The following ULK4 variants were observed in gnomAD, a reference collection of about 807,000 sequenced individuals.
The protein encoded by ULK4 is inactive serine/threonine-protein kinase ULK4.
In ULK4, 133 loss-of-function variants were observed where a neutral mutation model predicts 160.6. The ratio of observed to expected loss-of-function variants is 0.83; its 90% CI spans 0.72 to 0.96. The LOEUF (loss-of-function observed/expected upper bound fraction) is 0.96. ULK4 is among the 40% of genes least tolerant of loss of function. The pLI, the probability that ULK4 is intolerant of heterozygous loss-of-function variation, is 0.00. For missense variants in ULK4, 1,580 were observed against 1,499.5 expected (o/e 1.05, Z -0.89); for synonymous variants, 534 against 539.8 (o/e 0.99, Z 0.15).
rs868486145 is a variant in ULK4 at position 41,398,181 on chromosome 3, CG to C, written c.3575del (p.Pro1192ArgfsTer16). 8 of 1,613,270 alleles carry C rather than the reference CG, an allele frequency of 5.0e-6. No individual in the cohort carries two copies. The highest frequency in any genetic ancestry group is 1.7e-5 in the Admixed American group (1 of 59,854). On this transcript the variant is annotated frameshift_variant, in exon 35 of 37. Coordinates refer to ENST00000301831, the MANE Select transcript of ULK4 (RefSeq NM_017886.4). LOFTEE classifies it high-confidence loss of function. Reference sequence around the variant, plus strand: ...CCACATTTTCAGGAGAGAGGCTGTCCGGGTTTTCCCCTCCATACAGCTGAAC... The same window carrying C: ...CCACATTTTCAGGAGAGAGGCTGTCCGGTTTTCCCCTCCATACAGCTGAAC... ...ILVQLYGGEN[P>X]DSLSPENVEI...
chr3:41,767,620 T>G (rs1403754331), intron 21 of ULK4, among the ~76,000 whole-genome samples: 1 of 152,142 alleles, frequency 6.6e-6, no homozygotes, highest in Non-Finnish European at 1.5e-5. Context: ...TATTCATAAT[T>G]GAGCCATGCA....
intron 35 of ULK4, among the ~76,000 whole-genome samples, chr3:41,342,065 A>G (rs2080697632): frequency 6.6e-6 from 1 of 152,234 alleles, no homozygotes; most frequent in South Asian, 2.1e-4. Context: ...GAACTGGAAT[A>G]AACTGCCATA....
In ULK4 at chr3:41,461,875, T is replaced by G. The variant is rs562683182; in HGVS notation, c.3393+1212A>C. ...TACAAAAATCTACCACTATGGAAAC[T>G]GAAATAAGAAACTGTGTTCTCTGAA... is the stretch of plus-strand genomic sequence containing the variant. On this transcript the variant is annotated intron_variant, in intron 33 of 36. Coordinates refer to ENST00000301831, the MANE Select transcript of ULK4 (RefSeq NM_017886.4). 2.0e-5 allele frequency among the ~76,000 whole-genome samples: 3 copies of G among 152,236 alleles called. No individual in the cohort carries two copies. The East Asian group carries it at 5.8e-4, about 29-fold the overall frequency.
chr3:41,728,535 C>T (rs957965878), intron 22 of ULK4, among the ~76,000 whole-genome samples: 3 of 152,092 alleles, frequency 2.0e-5, no homozygotes, highest in African/African-American at 4.8e-5. Flanking sequence ...CCTCCAACAA[C>T]GCAGATCAAA....
At chr3:41,526,992 G>A (rs2086141693) in intron 32 of ULK4, among the ~76,000 whole-genome samples, 1 of 152,126 alleles carries the variant, frequency 6.6e-6, no homozygotes, top group Non-Finnish European at 1.5e-5. Context: ...GAAGCTACCA[G>A]AATAGTAGTG....
At chr3:41,461,692 A>G (rs2083688124) in intron 33 of ULK4, among the ~76,000 whole-genome samples, 1 of 152,244 alleles carries the variant, frequency 6.6e-6, no homozygotes, top group African/African-American at 2.4e-5. Context: ...ACATCCCTGA[A>G]TATCTACCTA....
At chr3:41,259,832 T>G (rs2078908401) in intron 35 of ULK4, 1 of 152,128 alleles carries the variant, frequency 6.6e-6, no homozygotes, top group African/African-American at 2.4e-5. Flanking sequence ...TCCAGTTAAC[T>G]TTTGCTTTCT....
chr3:41,838,166 C>A (rs538088297), intron 17 of ULK4, among the ~76,000 whole-genome samples: 1 of 151,974 alleles, frequency 6.6e-6, no homozygotes, highest in Non-Finnish European at 1.5e-5. Context: ...AAGAAAATGA[C>A]GAAAGAAGAA....
chr3:41,961,181 G>C (rs1039753444), intron 1 of ULK4, among the ~76,000 whole-genome samples: 1 of 152,132 alleles, frequency 6.6e-6, no homozygotes, highest in Non-Finnish European at 1.5e-5. Flanking sequence ...TAAGAGTCGG[G>C]GGCAGGTCCT....
intron 18 of ULK4, among the ~76,000 whole-genome samples, chr3:41,829,968 A>C (rs2041519391): frequency 6.6e-6 from 1 of 151,938 alleles, no homozygotes; most frequent in African/African-American, 2.4e-5. Context: ...ATGCAGCCAT[A>C]AAAAATGATG....
At position 41,613,420 on chromosome 3, in the gene ULK4, G is replaced by C. The variant is rs77193407; in HGVS notation, c.3120+2249C>G. On this transcript the variant is annotated intron_variant, in intron 31 of 36. Transcript: ENST00000301831. ...AAGAAAAATAAAACTGAAATAAATT[G>C]GTTAAGGCAATGACAACCAGGTCAA... Among the ~76,000 whole-genome samples the C allele has an allele frequency of 6.6e-3, 998 of 152,010 alleles. 11 individuals are homozygous for C. Among genetic ancestry groups the C allele is most frequent in the African/African-American group, 0.022 (929 of 41,452 alleles).
chr3:41,762,369 C>G (rs571158507), intron 21 of ULK4, among the ~76,000 whole-genome samples: 2 of 151,676 alleles, frequency 1.3e-5, no homozygotes, highest in East Asian at 3.9e-4. Context: ...CTCTATCTAC[C>G]CAAAAGAATT....
chr3:41,603,692 A>G (rs896312295), intron 31 of ULK4, among the ~76,000 whole-genome samples: 3 of 152,138 alleles, frequency 2.0e-5, no homozygotes, highest in Non-Finnish European at 2.9e-5. Context: ...TAGATATTGT[A>G]CTATAGTTTA....
intron 17 of ULK4, among the ~76,000 whole-genome samples, chr3:41,881,284 TA>T (rs58977381): frequency 0.036 from 4,555 of 125,648 alleles, 146 homozygotes; most frequent in African/African-American, 0.12. Flanking sequence ...CAGAAACTTC[TA>T]AAAAAAAAAA....
At chr3:41,264,559 A>G (rs1426108084) in intron 35 of ULK4, among the ~76,000 whole-genome samples, 1 of 152,208 alleles carries the variant, frequency 6.6e-6, no homozygotes, top group Non-Finnish European at 1.5e-5. Flanking sequence ...ACAGGAGAAG[A>G]GTCTGCCTCA....
Position 41,932,869 on chromosome 3 carries a change from C to A in ULK4, c.379-863G>T, listed in dbSNP as rs1699643648. ...GACCAGCCTGGCCAACATGGTGAAA[C>A]CTTATCTCTACTCAAAATACAAAAA... On this transcript the variant is annotated intron_variant, in intron 4 of 36. Transcript: ENST00000301831. 2.6e-5 allele frequency among the ~76,000 whole-genome samples: 4 copies of A among 152,124 alleles called. No individual in the cohort carries two copies. In the East Asian group the frequency reaches 5.8e-4, roughly 22 times the overall value.
chr3:41,628,364 C>A (rs2033611438), intron 30 of ULK4, among the ~76,000 whole-genome samples: 1 of 152,146 alleles, frequency 6.6e-6, no homozygotes, highest in Non-Finnish European at 1.5e-5. Flanking sequence ...GCAAACACCA[C>A]AAAGGGAGCA....
chr3:41,534,364 A>G (rs1269061321), intron 32 of ULK4, among the ~76,000 whole-genome samples: 1 of 152,220 alleles, frequency 6.6e-6, no homozygotes, highest in Non-Finnish European at 1.5e-5. Flanking sequence ...CGAAGCTGGA[A>G]TTAATATCCA....
chr3:41,566,205 G>T, intron 31 of ULK4, 75 bp from the exon 32 acceptor site: 4 of 1,252,970 alleles, frequency 3.2e-6, no homozygotes, highest in Non-Finnish European at 3.5e-6. Flanking sequence ...ATAAGCAAAT[G>T]ATGTCCACTG....
Sources: allele counts gnomAD v4.1 joint callset (sites outside exome capture counted in the v4.1 genomes callset), GRCh38; gene constraint gnomAD v4.1.1; transcripts MANE v1.5; gene names NCBI Gene and HGNC (gene_info 2026-07-23, HGNC 2026-07-21).